The following OPRM1 variants were observed in gnomAD, a reference collection of about 807,000 sequenced individuals.
The protein encoded by OPRM1 is opioid receptor mu 1.
In OPRM1, 27 loss-of-function variants were observed where a neutral mutation model predicts 31.8. The ratio of observed to expected loss-of-function variants is 0.85; its 90% CI spans 0.63 to 1.17. The LOEUF is 1.17. OPRM1 is among the 50% of genes most tolerant of loss of function. OPRM1 has a pLI of 0.00. For synonymous variants in OPRM1, 196 were observed against 189.9 expected, an observed-to-expected ratio of 1.03 and a Z score of -0.26; for missense variants, 536 against 511.1, an observed-to-expected ratio of 1.05 and a Z score of -0.47.
At chr6:154,110,264 G>T in intron 3 of OPRM1, 2 of 656,898 alleles carry the variant, frequency 3.0e-6, no homozygotes, top group Non-Finnish European at 5.3e-6. Flanking sequence ...TGTACCTTTG[G>T]GGTATAAATC....
At chr6:154,025,197 G>A (rs12192681) in intron 1 of OPRM1, among the ~76,000 whole-genome samples, 13,508 of 151,966 alleles carry the variant, frequency 0.089, 1,075 homozygotes, top group African/African-American at 0.21. Flanking sequence ...ATATCGGGGT[G>A]CCCAATGTTG....
chr6:154,049,219 G>A (rs539775179), intron 1 of OPRM1, among the ~76,000 whole-genome samples: 2 of 152,212 alleles, frequency 1.3e-5, no homozygotes, highest in African/African-American at 4.8e-5. Flanking sequence ...TTGGCTTAGG[G>A]ACACTAAGCA....
intron 3 of OPRM1, among the ~76,000 whole-genome samples, chr6:154,190,476 T>C (rs1410363801): frequency 1.3e-5 from 2 of 152,170 alleles, no homozygotes; most frequent in African/African-American, 2.4e-5. Context: ...ACCCACCTAC[T>C]AGCATGGCGA....
At chr6:154,097,061 G>A (rs1793517314) in intron 3 of OPRM1, among the ~76,000 whole-genome samples, 1 of 152,168 alleles carries the variant, frequency 6.6e-6, no homozygotes, top group South Asian at 2.1e-4. Context: ...CACCAAATGA[G>A]TTATGTGTTT....
chr6:154,221,031 CT>C (rs1365826854), intron 3 of OPRM1, among the ~76,000 whole-genome samples: 1 of 152,202 alleles, frequency 6.6e-6, no homozygotes, highest in Non-Finnish European at 1.5e-5. Flanking sequence ...CCTTTTTCAA[CT>C]TAGTGGTTCC....
Position 154,087,646 on chromosome 6 carries a change from G to T in OPRM1, c.291-2180G>T, listed in dbSNP as rs1171017308. The stretch of plus-strand genomic sequence containing the variant: ...CTCAAAATAAACTCTCACTGGCTCT[G>T]GTTGGAACATGAGAGCATCCTTGCC... On this transcript the variant is annotated intron_variant, in intron 1 of 3. Coordinates refer to ENST00000330432, the MANE Select transcript of OPRM1 (RefSeq NM_000914.5). 4 of 955,420 alleles carry T rather than the reference G, an allele frequency of 4.2e-6. No homozygotes were observed. In the South Asian group the frequency reaches 1.9e-4, roughly 46 times the overall value. The allele number at this position is 955,420 out of a possible 1,614,324, so 59.2% of individuals were successfully genotyped here.
intron 3 of OPRM1, among the ~76,000 whole-genome samples, chr6:154,114,803 T>G (rs1796695864): frequency 1.3e-5 from 2 of 151,960 alleles, no homozygotes; most frequent in South Asian, 4.2e-4. Flanking sequence ...GATATTACAT[T>G]TTTCATTAGT....
At chr6:154,090,817 T>G in intron 2 of OPRM1, 135 bp from the exon 3 acceptor site, 1 of 747,132 alleles carries the variant, frequency 1.3e-6, no homozygotes, top group Non-Finnish European at 2.1e-6. Context: ...CAACTGAGTT[T>G]CTTCCACAAT....
chr6:154,064,391 C>A (rs572100986), intron 1 of OPRM1, among the ~76,000 whole-genome samples: 57 of 152,106 alleles, frequency 3.7e-4, no homozygotes, highest in Admixed American at 1.2e-3. Flanking sequence ...GGATATTAAT[C>A]CCTTCTCAGA....
downstream of OPRM1, among the ~76,000 whole-genome samples, chr6:154,134,078 T>A (rs1325636385): frequency 6.6e-6 from 1 of 152,224 alleles, no homozygotes; most frequent in African/African-American, 2.4e-5. Context: ...CACTGCACAG[T>A]GGGGAACCAT....
At chr6:154,230,984 G>C (rs1779669140) in intron 3 of OPRM1, among the ~76,000 whole-genome samples, 1 of 152,128 alleles carries the variant, frequency 6.6e-6, no homozygotes, top group South Asian at 2.1e-4. Context: ...GTTACCCAAT[G>C]ACTATCTGAA....
chr6:154,159,936 C>G lies in OPRM1; in HGVS notation c.1164+68464C>G. On this transcript the variant is annotated intron_variant, in intron 3 of 3. Transcript: ENST00000337049. ...AAGCCCGCTGCTGCTGATAGATGTC[C>G]TGGATCAGCAGGGTGTTCATGACTT... 4 of 1,613,524 alleles carry G rather than the reference C, an allele frequency of 2.5e-6. No individual in the cohort carries two copies. In the South Asian group the frequency reaches 4.4e-5, roughly 18 times the overall value.
chr6:154,113,783 T>C (rs931597682), intron 3 of OPRM1, among the ~76,000 whole-genome samples: 1 of 152,156 alleles, frequency 6.6e-6, no homozygotes, highest in African/African-American at 2.4e-5. Context: ...GTGTTACGGG[T>C]TGGCAATCAG....
At chr6:154,160,982 T>G (rs1438478040) in intron 3 of OPRM1, among the ~76,000 whole-genome samples, 1 of 152,082 alleles carries the variant, frequency 6.6e-6, no homozygotes, top group Non-Finnish European at 1.5e-5. Flanking sequence ...CACCCAAGGC[T>G]CCTCACCTGC....
At chr6:154,095,245 C>T (rs772277649) in intron 3 of OPRM1, among the ~76,000 whole-genome samples, 2 of 152,152 alleles carry the variant, frequency 1.3e-5, no homozygotes, top group African/African-American at 2.4e-5. Flanking sequence ...GAGCCCAGGT[C>T]GTGCCATTGC....
chr6:154,152,330 A>AGAGAAAG (rs1798536497), intron 3 of OPRM1, among the ~76,000 whole-genome samples: 1 of 44,906 alleles, frequency 2.2e-5, no homozygotes. Flanking sequence ...AAAGAAAGAA[A>AGAGAAAG]GAAAGAAAGA....
rs539176334 is a variant in OPRM1, at chr6:154,047,587, A to C, written c.290+7753A>C. ...AAAGAGGTTCCACCAAATCTAATCA[A>C]GTGAACTTTCGTAAACCAATGGATA... is the stretch of plus-strand genomic sequence containing the variant. On this transcript the variant is annotated intron_variant, in intron 1 of 3. Transcript: ENST00000330432. 6.0e-4 allele frequency among the ~76,000 whole-genome samples: 91 copies of C among 152,288 alleles called. 1 individual carries two copies. In the South Asian group the frequency reaches 0.018, roughly 31 times the overall value.
At chr6:154,217,159 G>T in intron 3 of OPRM1, 1 of 166,886 alleles carries the variant, frequency 6.0e-6, no homozygotes. Context: ...CCAAACAGTG[G>T]GGCTGGACAC....
rs1335544529 is a variant in OPRM1, at chr6:154,127,102, G to A, written c.*8381G>A. Among the ~76,000 whole-genome samples, 1 of 42,842 alleles carries A rather than the reference G, an allele frequency of 2.3e-5. No individual in the cohort carries two copies. The highest frequency in any genetic ancestry group is 3.1e-4 in the Admixed American group (1 of 3,278). 28.1% of individuals were successfully genotyped at this position (42,842 alleles called of 152,430 possible). ...CCAGCCTGGGCAACAGAATGAGATT[G>A]TCTCAAAAAAAAAAAAAAGTGCCAC... is the stretch of plus-strand genomic sequence containing the variant. On this transcript the variant is annotated 3_prime_UTR_variant, in exon 4 of 4. Transcript: ENST00000330432.
Sources: gnomAD v4.1 joint callset for allele counts (sites outside exome capture counted in the v4.1 genomes callset) on GRCh38, gnomAD v4.1.1 for gene constraint, MANE v1.5 for transcripts, NCBI Gene and HGNC (gene_info 2026-07-23, HGNC 2026-07-21) for gene names.